The following ASTL variants were observed in gnomAD, a reference collection of about 807,000 sequenced individuals.
ASTL encodes astacin-like metalloendopeptidase.
Under a neutral mutation model 36.7 loss-of-function variants are expected in ASTL, and 27 were observed. The ratio of observed to expected loss-of-function variants is 0.73; its 90% CI spans 0.54 to 1.01. The LOEUF (loss-of-function observed/expected upper bound fraction) is 1.01, where lower values mean the gene tolerates loss of function less well. ASTL is among the 50% of genes least tolerant of loss of function. The pLI, the probability that ASTL is intolerant of heterozygous loss-of-function variation, is 0.00. For missense variants in ASTL, 524 were observed against 572.8 expected (o/e 0.91, Z 0.87); for synonymous variants, 222 against 228.1 (o/e 0.97, Z 0.24).
chr2:96,127,557 G>C (rs1204324527), intron 8 of ASTL, among the ~76,000 whole-genome samples: 1 of 152,034 alleles, frequency 6.6e-6, no homozygotes, highest in African/African-American at 2.4e-5. Context: ...TGTCTATTAA[G>C]TCTCTTCCCA....
chr2:96,128,250 C>A (rs532364400), intron 8 of ASTL, among the ~76,000 whole-genome samples: 1 of 146,808 alleles, frequency 6.8e-6, no homozygotes, highest in Admixed American at 6.8e-5. Flanking sequence ...AAAAAAAAGT[C>A]TATTTGTAAC....
chr2:96,133,089 G>A (rs543586809), intron 5 of ASTL, among the ~76,000 whole-genome samples: 4 of 152,294 alleles, frequency 2.6e-5, no homozygotes, highest in African/African-American at 4.8e-5. Context: ...GCCACCACTC[G>A]CACCCCAGAG....
chr2:96,130,048 A>G lies in ASTL; in HGVS notation c.719+16T>C, dbSNP rs1379486511. 1.3e-5 allele frequency: 21 copies of G among 1,613,710 alleles called. No individual in the cohort carries two copies. Among genetic ancestry groups the G allele is most frequent in the Middle Eastern group, 1.6e-4 (1 of 6,074 alleles). On this transcript the variant is annotated intron_variant, in intron 7 of 8. Coordinates refer to ENST00000342380, the MANE Select transcript of ASTL (RefSeq NM_001002036.4). ...AGGCTGGGGGAAGCAGAGGGAGAAG[A>G]AGGCAGGGTCCTCACCTCCCATAGT...
Position 96,123,779 on chromosome 2 carries a change from G to T in ASTL, c.*71C>A. ...GAAGACAGTGGTGTGGCCCAAAGGA[G>T]CCAAGAGGTAGACGACCCAGCTCCA... On this transcript the variant is annotated 3_prime_UTR_variant, in exon 9 of 9. Transcript: ENST00000342380. 1 of 1,343,084 alleles carries T rather than the reference G, an allele frequency of 7.4e-7. No individual in the cohort carries two copies. Among genetic ancestry groups the T allele is most frequent in the East Asian group, 2.3e-5 (1 of 43,538 alleles). 83.2% of individuals were successfully genotyped at this position (1,343,084 alleles called of 1,614,324 possible).
At chr2:96,134,485 A>T (rs1682255142) in intron 3 of ASTL, among the ~76,000 whole-genome samples, 1 of 152,166 alleles carries the variant, frequency 6.6e-6, no homozygotes, top group South Asian at 2.1e-4. Flanking sequence ...AGTGAAAGTG[A>T]GGCAGCACCC....
upstream of ASTL, chr2:96,138,532 A>G: frequency 1.9e-6 from 2 of 1,061,482 alleles, no homozygotes; most frequent in Non-Finnish European, 1.4e-6. Context: ...CCTCTTAAAT[A>G]GCAGCTGCTC....
chr2:96,124,052 G>C lies in ASTL; in HGVS notation c.1094C>G (p.Thr365Ser). 1 of 1,613,876 alleles carries C rather than the reference G, an allele frequency of 6.2e-7. No individual in the cohort carries two copies. The highest frequency in any genetic ancestry group is 1.3e-5 in the African/African-American group (1 of 75,040). Reference sequence around the variant, plus strand: ...CCTTGATCTTGGGGAGGAAGCTAGGGTCTGAGGCTGCCTTGCCGAGGCCTC... The same window carrying C: ...CCTTGATCTTGGGGAGGAAGCTAGGCTCTGAGGCTGCCTTGCCGAGGCCTC... ...SAEASARQPQ[T>S]LASSPRSRPG... The change falls in exon 9 of 9, where the codon ACC becomes AGC. Residue 365 changes from threonine (T) to serine (S), a missense_variant. Physicochemically the swap from Thr to Ser is moderately conservative, Grantham distance 58. Transcript: ENST00000342380. This position sits in a 1 kb window ranked among gnomAD's most constrained non-coding sequence, Gnocchi z 4.1.
chr2:96,132,468 C>T lies in ASTL; in HGVS notation c.637+72G>A. The T allele has an allele frequency of 1.4e-6, 2 of 1,418,496 alleles. No individual in the cohort carries two copies. The highest frequency in any genetic ancestry group is 2.7e-5 in the South Asian group (2 of 73,228). 87.9% of individuals were successfully genotyped at this position (1,418,496 alleles called of 1,614,324 possible). ...GGATGGATAGCCTCACCCATGGGGA[C>T]CAGGCGACTTGGGCCCAAGCCGTGC... On this transcript the variant is annotated intron_variant, in intron 6 of 8. Coordinates refer to ENST00000342380, the MANE Select transcript of ASTL (RefSeq NM_001002036.4). This position sits in a 1 kb window ranked among gnomAD's most constrained non-coding sequence, Gnocchi z 5.4.
In ASTL at chr2:96,129,963, C is replaced by A. The variant is rs201059711; in HGVS notation, c.735G>T (p.Arg245=). ...GTGGTGTGATGGTGGGCAGCCCACG[C>A]CGGCTGAAGGCGAGCCTGGAACCCA... is the stretch of plus-strand genomic sequence containing the variant. ...VMHYGRLAFS[R]RGLPTITPLW... The change falls in exon 8 of 9, where the codon CGG becomes CGT. Residue 245 remains arginine, a synonymous_variant. Transcript: ENST00000342380. 3.4e-5 allele frequency: 54 copies of A among 1,603,636 alleles called. No individual in the cohort carries two copies. Among genetic ancestry groups the A allele is most frequent in the Non-Finnish European group, 4.4e-5 (52 of 1,171,870 alleles).
chr2:96,124,287 C>T lies in ASTL; in HGVS notation c.875-16G>A, dbSNP rs1366391641. On this transcript the variant is annotated splice_polypyrimidine_tract_variant and intron_variant, in intron 8 of 8. Transcript: ENST00000342380. This position sits in a 1 kb window ranked among gnomAD's most constrained non-coding sequence, Gnocchi z 4.1. ...GCATGGGACCCTGCAACAGAAAAGA[C>T]AGGAGGTGGAACCTCAGAACTGTAG... 3 of 1,501,072 alleles carry T rather than the reference C, an allele frequency of 2.0e-6. No individual in the cohort carries two copies. The highest frequency in any genetic ancestry group is 4.7e-5 in the Admixed American group (2 of 42,716). 93.0% of individuals were successfully genotyped at this position (1,501,072 alleles called of 1,614,324 possible). A position where few individuals can be genotyped will look rare whatever the true frequency, so the allele number is the denominator to read the frequency against.
In ASTL at chr2:96,137,688, C is replaced by T; in HGVS notation, c.68G>A (p.Gly23Glu). 6.2e-7 allele frequency: 1 copy of T among 1,612,884 alleles called. No individual in the cohort carries two copies. The highest frequency in any genetic ancestry group is 8.5e-7 in the Non-Finnish European group (1 of 1,179,602). ...TGCGCAGCTGGAGGCCAGGGGCGCTCCTAGGATCACACCTGGTCCAGACAG... is the reference window on the plus strand; with the variant it reads ...TGCGCAGCTGGAGGCCAGGGGCGCTTCTAGGATCACACCTGGTCCAGACAG... ...GLLSLPGVIL[G>E]APLASSCAGA... The change falls in exon 2 of 9, where the codon GGA becomes GAA. Residue 23 changes from glycine (G) to glutamate (E), a missense_variant. Transcript: ENST00000342380.
chr2:96,132,526 G>A lies in ASTL; in HGVS notation c.637+14C>T, dbSNP rs779697688. ...TCCCCGGCACCAGCCTGTCCTGCGT[G>A]TGGCCTGGCTCACCTGGCAGGATCT... On this transcript the variant is annotated intron_variant, in intron 6 of 8. Coordinates refer to ENST00000342380, the MANE Select transcript of ASTL (RefSeq NM_001002036.4). This position sits in a 1 kb window ranked among gnomAD's most constrained non-coding sequence, Gnocchi z 5.4. The A allele has an allele frequency of 3.2e-6, 5 of 1,582,414 alleles. No homozygotes were observed. Among genetic ancestry groups the A allele is most frequent in the South Asian group, 1.1e-5 (1 of 89,000 alleles).
At chr2:96,129,403 G>A (rs534573903) in intron 8 of ASTL, among the ~76,000 whole-genome samples, 31 of 152,070 alleles carry the variant, frequency 2.0e-4, no homozygotes, top group Non-Finnish European at 4.1e-4. Context: ...TTCAATACAG[G>A]TAATCATCTA....
At chr2:96,133,219 T>C (rs1056288456) in intron 5 of ASTL, among the ~76,000 whole-genome samples, 2 of 152,180 alleles carry the variant, frequency 1.3e-5, no homozygotes, top group African/African-American at 2.4e-5. Context: ...AGGAGGGCTT[T>C]GTAAATGGAG....
chr2:96,124,168 ACTG>A lies in ASTL; in HGVS notation c.975_977del (p.Ser326del). ...CGGGCTGGCCTCCCGCACTGGAACC[ACTG>A]GGGTCGGGGCTCCTGGATTCCGCCG... On this transcript the variant is annotated inframe_deletion, in exon 9 of 9. Transcript: ENST00000342380. The surrounding 1 kb of genome is among the most constrained non-coding windows in gnomAD (Gnocchi z 4.1). 1 of 1,548,322 alleles carries A rather than the reference ACTG, an allele frequency of 6.5e-7. No individual in the cohort carries two copies. The highest frequency in any genetic ancestry group is 1.8e-4 in the Middle Eastern group (1 of 5,714).
Position 96,135,387 on chromosome 2 carries a change from C to T in ASTL, c.207G>A (p.Glu69=), listed in dbSNP as rs2104776754. The T allele has an allele frequency of 2.5e-6, 4 of 1,614,178 alleles. No homozygotes were observed. The highest frequency in any genetic ancestry group is 8.5e-7 in the Non-Finnish European group (1 of 1,180,026). Residue 69 remains glutamate (E), a synonymous_variant, in exon 3 of 9, where the codon GAG becomes GAA. Coordinates refer to ENST00000342380, the MANE Select transcript of ASTL (RefSeq NM_001002036.4). The part of the protein sequence containing the change: ...NQGLILEETP[E]SSFLIEGDII... The stretch of plus-strand genomic sequence containing the variant: ...TGTCCCCCTCGATGAGGAAGCTGCT[C>T]TCTGGGGTTTCTTCCAGGATGAGCC...
chr2:96,137,179 C>G (rs1286718194), intron 2 of ASTL, among the ~76,000 whole-genome samples: 1 of 152,192 alleles, frequency 6.6e-6, no homozygotes, highest in Non-Finnish European at 1.5e-5. Context: ...GCAGACAGTC[C>G]TGCACAGGGT....
At chr2:96,133,010 T>C (rs1682216823) in intron 5 of ASTL, among the ~76,000 whole-genome samples, 1 of 152,206 alleles carries the variant, frequency 6.6e-6, no homozygotes, top group South Asian at 2.1e-4. Context: ...CACACCCTCC[T>C]GGTCAGCCCT....
intron 5 of ASTL, among the ~76,000 whole-genome samples, chr2:96,133,193 T>C (rs946174725): frequency 1.3e-5 from 2 of 152,162 alleles, no homozygotes; most frequent in African/African-American, 2.4e-5. Flanking sequence ...CACCACCTCA[T>C]GGAGTCCCCC....
Sources: allele counts gnomAD v4.1 joint callset (sites outside exome capture counted in the v4.1 genomes callset), GRCh38; gene constraint gnomAD v4.1.1; non-coding constraint Gnocchi (gnomAD v3.1); transcripts MANE v1.5; gene names NCBI Gene and HGNC (gene_info 2026-07-23, HGNC 2026-07-21).